The following PPM1G variants were observed in gnomAD, a reference collection of about 807,000 sequenced individuals.
PPM1G encodes protein phosphatase, Mg2+/Mn2+ dependent 1G.
Under a neutral mutation model 59.4 loss-of-function variants are expected in PPM1G, and 12 were observed. That is an observed-to-expected ratio of 0.20 (90% CI 0.13 to 0.33). The LOEUF (loss-of-function observed/expected upper bound fraction) is 0.33, where lower values mean the gene tolerates loss of function less well. Among genes scored for constraint, PPM1G ranks in the 10% least tolerant of loss-of-function variants. The pLI, the probability that PPM1G is intolerant of heterozygous loss-of-function variation, is 1.00. For synonymous variants in PPM1G, 245 were observed against 251.9 expected, an observed-to-expected ratio of 0.97 and a Z score of 0.26; for missense variants, 392 against 681.3, an observed-to-expected ratio of 0.58 and a Z score of 4.73.
chr2:27,396,009 G>A (rs762130534), intron 1 of PPM1G, among the ~76,000 whole-genome samples: 2 of 152,160 alleles, frequency 1.3e-5, no homozygotes, highest in African/African-American at 2.4e-5. Context: ...AGTGGCTCAC[G>A]CCTGTAATCC....
rs768747491 is a variant in PPM1G, at chr2:27,385,022, C to T, written c.476G>A (p.Arg159His). 1.9e-6 allele frequency: 3 copies of T among 1,613,920 alleles called. No individual in the cohort carries two copies. Among genetic ancestry groups the T allele is most frequent in the South Asian group, 1.1e-5 (1 of 91,082 alleles). ...GCCCTTGTGACAGTTCTGCCCGTAGCGTGTCAGCAGCTCTTCAATAGTCAT... is the reference window on the plus strand; with the variant it reads ...GCCCTTGTGACAGTTCTGCCCGTAGTGTGTCAGCAGCTCTTCAATAGTCAT... ...ATMTIEELLT[R>H]YGQNCHKGPP... Residue 159 changes from arginine (R) to histidine (H), a missense_variant, in exon 5 of 10, where the codon CGC (arginine) becomes CAC (histidine). Transcript: ENST00000344034. This position sits in a 1 kb window ranked among gnomAD's most constrained non-coding sequence, Gnocchi z 4.1.
rs887403051 is a variant in PPM1G, at chr2:27,409,567, G to C, written c.-145C>G. 72 of 1,106,764 alleles carry C rather than the reference G, an allele frequency of 6.5e-5. No homozygotes were observed. The highest frequency in any genetic ancestry group is 6.9e-5 in the Non-Finnish European group (59 of 850,486). 68.6% of individuals were successfully genotyped at this position (1,106,764 alleles called of 1,614,324 possible). On this transcript the variant is annotated 5_prime_UTR_variant, in exon 1 of 10. Transcript: ENST00000344034. ...CGGTGAAAGGCGCGAGGCCGGCCAG[G>C]AGGCGGTAACGGGACGGGAGCTGTG...
intron 1 of PPM1G, among the ~76,000 whole-genome samples, chr2:27,392,013 G>A (rs1007106252): frequency 4.6e-5 from 7 of 151,500 alleles, no homozygotes; most frequent in Admixed American, 1.3e-4. Flanking sequence ...TTACGGGTGT[G>A]AGCCACTGCA....
At chr2:27,395,588 A>G (rs1684030909) in intron 1 of PPM1G, among the ~76,000 whole-genome samples, 1 of 152,080 alleles carries the variant, frequency 6.6e-6, no homozygotes, top group Non-Finnish European at 1.5e-5. Flanking sequence ...CATGTCTCTA[A>G]TCTCATTATT....
chr2:27,393,821 G>C (rs1572665068), intron 1 of PPM1G, among the ~76,000 whole-genome samples: 1 of 151,916 alleles, frequency 6.6e-6, no homozygotes, highest in South Asian at 2.1e-4. Flanking sequence ...GGACTGAAGC[G>C]GCGCAATCTC....
Position 27,384,774 on chromosome 2 carries a change from A to G in PPM1G, c.724T>C (p.Ser242Pro). The G allele has an allele frequency of 6.2e-7, 1 of 1,614,204 alleles. No individual in the cohort carries two copies. The highest frequency in any genetic ancestry group is 8.5e-7 in the Non-Finnish European group (1 of 1,180,030). Reference protein sequence around the residue: ...IPTGEAGPSCSSASDKLPRVA... With the variant: ...IPTGEAGPSCPSASDKLPRVA... ...CGAGGCAGCTTGTCAGAGGCTGAAG[A>G]GCAGGAAGGCCCAGCCTCACCAGTG... The change falls in exon 5 of 10, where the codon TCT becomes CCT. Residue 242 changes from serine (S) to proline (P), a missense_variant. Ser to Pro is a moderately conservative substitution (Grantham distance 74). Coordinates refer to ENST00000344034, the MANE Select transcript of PPM1G (RefSeq NM_177983.3). The surrounding 1 kb of genome is among the most constrained non-coding windows in gnomAD (Gnocchi z 4.8).
intron 1 of PPM1G, among the ~76,000 whole-genome samples, chr2:27,390,573 G>A (rs972413350): frequency 3.9e-5 from 6 of 152,000 alleles, no homozygotes; most frequent in African/African-American, 1.2e-4. Flanking sequence ...AACAACATCC[G>A]TAAACAGCCA....
In PPM1G at chr2:27,384,912, T is replaced by C. The variant is rs1268157975; in HGVS notation, c.586A>G (p.Thr196Ala). The change falls in exon 5 of 10, where the codon ACT becomes GCT. Residue 196 changes from threonine to alanine, a missense_variant. By Grantham distance (58) the Thr-to-Ala change is moderately conservative. Coordinates refer to ENST00000344034, the MANE Select transcript of PPM1G (RefSeq NM_177983.3). The surrounding 1 kb of genome is among the most constrained non-coding windows in gnomAD (Gnocchi z 4.8). ...TTTTCTTGTGAAGGAGTTTCCCTAG[T>C]TGAGTCCTCAGGTCCTGCCTCCCCA... ...LNGEAGPEDS[T>A]RETPSQENGP... 6.2e-7 allele frequency: 1 copy of C among 1,614,202 alleles called. No individual in the cohort carries two copies.
At position 27,409,477 on chromosome 2, in the gene PPM1G, G is replaced by T; in HGVS notation, c.-55C>A. The T allele has an allele frequency of 7.0e-7, 1 of 1,420,178 alleles. No individual in the cohort carries two copies. The highest frequency in any genetic ancestry group is 1.5e-5 in the South Asian group (1 of 66,734). The allele number at this position is 1,420,178 out of a possible 1,614,324, so 88.0% of individuals were successfully genotyped here. ...AGGAAAGCTGGGCGCGACCCGTGCC[G>T]GAGCCGAAGCCCCGGGGGTGCGCGC... On this transcript the variant is annotated 5_prime_UTR_variant, in exon 1 of 10. Transcript: ENST00000344034.
intron 1 of PPM1G, among the ~76,000 whole-genome samples, chr2:27,397,765 A>C (rs1161882537): frequency 6.6e-6 from 1 of 152,180 alleles, no homozygotes; most frequent in Non-Finnish European, 1.5e-5. Context: ...GCTACTAAGA[A>C]GGCTGAGGCA....
chr2:27,396,330 T>C (rs1317783006), intron 1 of PPM1G, among the ~76,000 whole-genome samples: 1 of 152,110 alleles, frequency 6.6e-6, no homozygotes, highest in African/African-American at 2.4e-5. Context: ...TGATTCCACT[T>C]ACAGTATGAA....
chr2:27,399,334 T>C (rs917439625), intron 1 of PPM1G, among the ~76,000 whole-genome samples: 9 of 152,266 alleles, frequency 5.9e-5, no homozygotes, highest in Non-Finnish European at 1.3e-4. Context: ...TGAACAGACA[T>C]TTCTCCAAAG....
chr2:27,407,117 C>A (rs1663391743), intron 1 of PPM1G, among the ~76,000 whole-genome samples: 1 of 151,954 alleles, frequency 6.6e-6, no homozygotes, highest in Admixed American at 6.6e-5. Context: ...AGGCACGCAC[C>A]ACCACATTCA....
intron 1 of PPM1G, among the ~76,000 whole-genome samples, chr2:27,395,461 G>A (rs1257783240): frequency 6.6e-6 from 1 of 151,516 alleles, no homozygotes; most frequent in Non-Finnish European, 1.5e-5. Context: ...CCTGGGAGGC[G>A]GAGGTTGCAG....
At chr2:27,396,819 C>CCAAAAAAAA (rs1553313910) in intron 1 of PPM1G, among the ~76,000 whole-genome samples, 1 of 125,384 alleles carries the variant, frequency 8.0e-6, no homozygotes. Context: ...CCGTCTCCAA[C>CCAAAAAAAA]AAAAAAAAAA....
intron 1 of PPM1G, among the ~76,000 whole-genome samples, chr2:27,390,233 T>A (rs772436918): frequency 6.6e-6 from 1 of 152,110 alleles, no homozygotes; most frequent in African/African-American, 2.4e-5. Context: ...TTGCCCAGGC[T>A]CTTCTCAAAC....
intron 1 of PPM1G, among the ~76,000 whole-genome samples, chr2:27,389,592 AAAAACTCACCCAACCTT>A: frequency 6.6e-6 from 1 of 152,184 alleles, no homozygotes; most frequent in Admixed American, 6.6e-5. Context: ...AGAAATCTAG[AAAAACTCACCCAACCTT>A]GTATAACCCC....
At chr2:27,403,986 G>A (rs1345851772) in intron 1 of PPM1G, among the ~76,000 whole-genome samples, 2 of 152,066 alleles carry the variant, frequency 1.3e-5, no homozygotes, top group South Asian at 2.1e-4. Flanking sequence ...GAAAATAAAT[G>A]TTTTTCAACC....
Position 27,409,347 on chromosome 2 carries a change from G to A in PPM1G, c.76C>T (p.Pro26Ser), listed in dbSNP as rs887352797. The A allele has an allele frequency of 4.6e-5, 71 of 1,543,262 alleles. No homozygotes were observed. Among genetic ancestry groups the A allele is most frequent in the Non-Finnish European group, 5.8e-5 (66 of 1,144,334 alleles). The change falls in exon 1 of 10, where the codon CCC (proline) becomes TCC (serine). Residue 26 changes from proline (P) to serine (S), a missense_variant. By Grantham distance (74) the Pro-to-Ser change is moderately conservative (BLOSUM62 -1). Transcript: ENST00000344034. The stretch of plus-strand genomic sequence containing the variant: ...CCTTGCATGGCGGAGAAGCCGTAGG[G>A]CAGCGGCAGGCGCGGGGCGCCGACC... ...DGVGAPRLPL[P>S]YGFSAMQGWR...
Sources: gnomAD v4.1 joint callset for allele counts (sites outside exome capture counted in the v4.1 genomes callset) on GRCh38, gnomAD v4.1.1 for gene constraint, Gnocchi (gnomAD v3.1) non-coding constraint, MANE v1.5 for transcripts, NCBI Gene and HGNC (gene_info 2026-07-23, HGNC 2026-07-21) for gene names.